The following KALRN variants were observed in gnomAD, a reference collection of about 807,000 sequenced individuals.
KALRN encodes the protein kalirin RhoGEF kinase, also known as kalirin.
In KALRN, 70 loss-of-function variants were observed where a neutral mutation model predicts 353.7. That is an observed-to-expected ratio of 0.20 (90% CI 0.16 to 0.24). The LOEUF (loss-of-function observed/expected upper bound fraction) is 0.24, where lower values mean the gene tolerates loss of function less well. Ranked by LOEUF, KALRN falls within the 10% of genes least tolerant of loss-of-function variation. The pLI, the probability that KALRN is intolerant of heterozygous loss-of-function variation, is 1.00. For missense variants in KALRN, 2,791 were observed against 3,756.7 expected, an observed-to-expected ratio of 0.74 and a Z score of 6.72; for synonymous variants, 1,391 against 1,434.8, an observed-to-expected ratio of 0.97 and a Z score of 0.69.
At chr3:124,584,745 G>T in intron 34 of KALRN, 3 of 1,528,806 alleles carry the variant, frequency 2.0e-6, no homozygotes, top group Non-Finnish European at 2.6e-6. Flanking sequence ...CGGCGGCGCT[G>T]AAGTTTCCTT....
At chr3:124,086,142 AT>A (rs755303515) in intron 1 of KALRN, among the ~76,000 whole-genome samples, 43 of 151,414 alleles carry the variant, frequency 2.8e-4, no homozygotes, top group South Asian at 4.2e-4. Context: ...TTTTTCTGTT[AT>A]AGAATACACT....
At chr3:124,347,004 T>C in intron 9 of KALRN, 139 bp from the exon 10 acceptor site, 1 of 1,238,164 alleles carries the variant, frequency 8.1e-7, no homozygotes, top group Non-Finnish European at 1.1e-6. Context: ...TCACAGCAGA[T>C]TGACCATTTC....
At chr3:124,551,227 C>T (rs895414820) in intron 33 of KALRN, among the ~76,000 whole-genome samples, 11 of 152,122 alleles carry the variant, frequency 7.2e-5, no homozygotes, top group Non-Finnish European at 1.5e-4. Context: ...AGCAGAAAAT[C>T]ACATTAGGAC....
At chr3:124,147,841 G>A (rs964935851) in intron 1 of KALRN, among the ~76,000 whole-genome samples, 3 of 152,212 alleles carry the variant, frequency 2.0e-5, no homozygotes, top group Non-Finnish European at 4.4e-5. Context: ...GATGCTGTAT[G>A]TTATTTACAT....
intron 32 of KALRN, among the ~76,000 whole-genome samples, chr3:124,495,957 G>GTATATA (rs201949824): frequency 1.6e-4 from 7 of 44,220 alleles, no homozygotes; most frequent in African/African-American, 6.1e-4. Flanking sequence ...GTGTGTATGT[G>GTATATA]TATGTATGTA....
intron 34 of KALRN, among the ~76,000 whole-genome samples, chr3:124,592,336 A>T (rs1359363377): frequency 6.6e-6 from 1 of 150,666 alleles, no homozygotes; most frequent in Non-Finnish European, 1.5e-5. Flanking sequence ...AAAAGAAAAA[A>T]TCCTGGCAAG....
chr3:124,139,890 ATC>A (rs2066415229), intron 1 of KALRN, among the ~76,000 whole-genome samples: 1 of 152,054 alleles, frequency 6.6e-6, no homozygotes, highest in South Asian at 2.1e-4. Flanking sequence ...GTACACCTTG[ATC>A]TCTCTAACTC....
At chr3:124,442,992 AAAAAG>A (rs894795886) in intron 19 of KALRN, among the ~76,000 whole-genome samples, 6 of 152,178 alleles carry the variant, frequency 3.9e-5, no homozygotes, top group African/African-American at 1.4e-4. Flanking sequence ...CAAAAAAAGA[AAAAAG>A]AAAAGAAAAA....
chr3:124,517,549 G>A (rs2066755740), intron 33 of KALRN, among the ~76,000 whole-genome samples: 1 of 152,178 alleles, frequency 6.6e-6, no homozygotes, highest in African/African-American at 2.4e-5. Flanking sequence ...AGCATTACAA[G>A]TTGACCTTCC....
chr3:124,087,430 C>T (rs1473164357), intron 1 of KALRN, among the ~76,000 whole-genome samples: 6 of 152,170 alleles, frequency 3.9e-5, no homozygotes, highest in African/African-American at 1.4e-4. Context: ...AGATGTGGTT[C>T]TGAGACTAAC....
intron 23 of KALRN, among the ~76,000 whole-genome samples, chr3:124,459,592 A>G (rs1242984105): frequency 6.6e-6 from 1 of 152,180 alleles, no homozygotes; most frequent in Non-Finnish European, 1.5e-5. Flanking sequence ...AGAATTACAG[A>G]GCATTGGACA....
Position 124,131,740 on chromosome 3 carries a change from A to G in KALRN, c.74-96250A>G, listed in dbSNP as rs548806372. Among the ~76,000 whole-genome samples, 3 of 152,294 alleles carry G rather than the reference A, an allele frequency of 2.0e-5. No individual in the cohort carries two copies. In the South Asian group the frequency reaches 6.2e-4, roughly 32 times the overall value. Reference sequence around the variant, plus strand: ...CAGCCACTGCCGGGAGGTCAGCATCACATGCTTAGAATGATGGTTCTTTTC... The same window carrying G: ...CAGCCACTGCCGGGAGGTCAGCATCGCATGCTTAGAATGATGGTTCTTTTC... On this transcript the variant is annotated intron_variant, in intron 1 of 59. Transcript: ENST00000682506.
chr3:124,663,915 C>G (rs1268474521), intron 45 of KALRN, among the ~76,000 whole-genome samples: 1 of 152,132 alleles, frequency 6.6e-6, no homozygotes, highest in East Asian at 1.9e-4. Context: ...CCTCCTTGCC[C>G]TTTCAGCCCA....
In KALRN at chr3:124,689,994, T is replaced by C. The variant is rs552536937; in HGVS notation, c.7378-3810T>C. On this transcript the variant is annotated intron_variant, in intron 51 of 59. Coordinates refer to ENST00000682506, the MANE Select transcript of KALRN (RefSeq NM_001388419.1). ...TCACTATTGGCTACATCTCAGACAT[T>C]GACTGACTGATTAGATTCCTGAGCA... Among the ~76,000 whole-genome samples the C allele has an allele frequency of 3.3e-5, 5 of 152,264 alleles. No homozygotes were observed. The East Asian group carries it at 9.6e-4, about 29-fold the overall frequency.
intron 34 of KALRN, chr3:124,585,009 G>A (rs768315385): frequency 5.8e-5 from 79 of 1,360,614 alleles, no homozygotes; most frequent in Non-Finnish European, 7.2e-5. Flanking sequence ...GGCCTCTGGG[G>A]TAGGCGGATG....
intron 51 of KALRN, among the ~76,000 whole-genome samples, chr3:124,689,122 T>C (rs1206047166): frequency 1.3e-5 from 2 of 152,258 alleles, no homozygotes; most frequent in East Asian, 1.9e-4. Flanking sequence ...CAGCATTCTC[T>C]TGTGCTGTTT....
intron 10 of KALRN, among the ~76,000 whole-genome samples, chr3:124,376,811 G>T (rs150364344): frequency 6.6e-6 from 1 of 152,168 alleles, no homozygotes; most frequent in Non-Finnish European, 1.5e-5. Context: ...TGCCCACTAG[G>T]TACATCGAGG....
chr3:124,688,329 G>T (rs1012945911), intron 51 of KALRN, among the ~76,000 whole-genome samples: 1 of 133,406 alleles, frequency 7.5e-6, no homozygotes. Context: ...AAAAAAAAAA[G>T]AGCAGAGGTA....
chr3:124,364,537 A>C (rs1454807516), intron 10 of KALRN, among the ~76,000 whole-genome samples: 1 of 152,218 alleles, frequency 6.6e-6, no homozygotes, highest in Admixed American at 6.5e-5. Flanking sequence ...TCCTGCTTTG[A>C]AAGTGGGGAG....
Sources: allele counts gnomAD v4.1 joint callset (sites outside exome capture counted in the v4.1 genomes callset), GRCh38; gene constraint gnomAD v4.1.1; transcripts MANE v1.5; gene names NCBI Gene and HGNC (gene_info 2026-07-23, HGNC 2026-07-21).